Variants in DTNB observed in about 807,000 individuals in gnomAD.
The protein encoded by DTNB is dystrobrevin beta, also known as DTN-B.
Under a neutral mutation model 90.7 loss-of-function variants are expected in DTNB, and 63 were observed. That is an observed-to-expected ratio of 0.69 (90% CI 0.57 to 0.86). The LOEUF (loss-of-function observed/expected upper bound fraction) is 0.86, where lower values mean the gene tolerates loss of function less well. Among genes scored for constraint, DTNB ranks in the 40% least tolerant of loss-of-function variants. The pLI is 0.00. For synonymous variants in DTNB, 277 were observed against 286.7 expected (o/e 0.97, Z 0.34); for missense variants, 744 against 807.1 (o/e 0.92, Z 0.95).
intron 5 of DTNB, among the ~76,000 whole-genome samples, chr2:25,598,055 A>G (rs534855499): frequency 7.2e-5 from 11 of 152,352 alleles, no homozygotes; most frequent in Non-Finnish European, 1.5e-4. Flanking sequence ...CCAACTAACA[A>G]GTTGCAAGTT....
chr2:25,568,112 C>G (rs2059309426), intron 8 of DTNB, among the ~76,000 whole-genome samples: 1 of 150,848 alleles, frequency 6.6e-6, no homozygotes, highest in South Asian at 2.1e-4. Context: ...GAGCCAAGAT[C>G]ACGCCACTGC....
intron 9 of DTNB, among the ~76,000 whole-genome samples, chr2:25,498,316 C>T (rs1575121956): frequency 6.6e-6 from 1 of 152,122 alleles, no homozygotes; most frequent in South Asian, 2.1e-4. Context: ...ATCAGACAAA[C>T]CAACTAGTGT....
chr2:25,462,921 T>A (rs1380473926), intron 10 of DTNB, among the ~76,000 whole-genome samples: 1 of 152,168 alleles, frequency 6.6e-6, no homozygotes, highest in Admixed American at 6.5e-5. Flanking sequence ...GCCGGGATGG[T>A]CTCGATCTGC....
chr2:25,382,905 C>T (rs2038284052), intron 19 of DTNB, among the ~76,000 whole-genome samples: 1 of 152,104 alleles, frequency 6.6e-6, no homozygotes, highest in Non-Finnish European at 1.5e-5. Flanking sequence ...TGGGGATATT[C>T]GAATCTGTCT....
intron 8 of DTNB, among the ~76,000 whole-genome samples, chr2:25,562,502 T>TA (rs1246899843): frequency 1.3e-5 from 2 of 152,352 alleles, no homozygotes; most frequent in Admixed American, 6.5e-5. Flanking sequence ...AAGAAACTGT[T>TA]AAACTGTTTT....
At chr2:25,634,044 G>A (rs972542558) in intron 3 of DTNB, among the ~76,000 whole-genome samples, 3 of 152,036 alleles carry the variant, frequency 2.0e-5, no homozygotes, top group South Asian at 2.1e-4. Flanking sequence ...AGTTAGGAGC[G>A]TCTACGCCCG....
chr2:25,572,502 C>T (rs1314616681), intron 8 of DTNB, among the ~76,000 whole-genome samples: 1 of 151,598 alleles, frequency 6.6e-6, no homozygotes, highest in African/African-American at 2.4e-5. Flanking sequence ...ACCGTCCCTT[C>T]CTGCTCCCAA....
intron 16 of DTNB, among the ~76,000 whole-genome samples, chr2:25,403,027 G>C (rs763127216): frequency 3.1e-4 from 47 of 152,222 alleles, no homozygotes; most frequent in Non-Finnish European, 5.4e-4. Context: ...TAAACTTTTA[G>C]ATAGAGAAAC....
At chr2:25,623,849 T>C (rs2073439963) in intron 4 of DTNB, among the ~76,000 whole-genome samples, 1 of 152,124 alleles carries the variant, frequency 6.6e-6, no homozygotes, top group Admixed American at 6.5e-5. Flanking sequence ...TATTAGATTG[T>C]AAGTGTAAAC....
chr2:25,526,395 A>ATTTTTTTTTT (rs1245672956), intron 9 of DTNB, among the ~76,000 whole-genome samples: 8 of 49,824 alleles, frequency 1.6e-4, no homozygotes, highest in Non-Finnish European at 2.0e-4. Context: ...ATATATATAT[A>ATTTTTTTTTT]TTTTTTTTTT....
chr2:25,416,792 G>GGAAC (rs765403101), intron 16 of DTNB, among the ~76,000 whole-genome samples: 1 of 134,818 alleles, frequency 7.4e-6, no homozygotes, highest in African/African-American at 2.8e-5. Context: ...CTGGAAGGAA[G>GGAAC]GAAGGAAGGA....
Position 25,583,242 on chromosome 2 carries a change from G to A in DTNB, c.604-2416C>T, listed in dbSNP as rs1172563672. Among the ~76,000 whole-genome samples, 559 of 90,038 alleles carry A rather than the reference G, an allele frequency of 6.2e-3. 5 individuals are homozygous for A. Among genetic ancestry groups the A allele is most frequent in the African/African-American group, 0.029 (509 of 17,386 alleles). The allele number at this position is 90,038 out of a possible 152,430, so 59.1% of individuals were successfully genotyped here. On this transcript the variant is annotated intron_variant, in intron 6 of 20. Coordinates refer to ENST00000406818, the MANE Select transcript of DTNB (RefSeq NM_021907.5). ...AGCCTGAGTGATGCAGTGAGATTCC[G>A]TCTCAAAAAAAAAAAAAAAAATATA...
chr2:25,550,422 A>C (rs1190341743), intron 8 of DTNB, among the ~76,000 whole-genome samples: 1 of 148,878 alleles, frequency 6.7e-6, no homozygotes, highest in Non-Finnish European at 1.5e-5. Context: ...ACAAACAAAC[A>C]AAAAAAAACA....
intron 3 of DTNB, among the ~76,000 whole-genome samples, chr2:25,636,783 T>C (rs1319002385): frequency 6.6e-6 from 1 of 152,126 alleles, no homozygotes; most frequent in African/African-American, 2.4e-5. Flanking sequence ...TTTTTAATTC[T>C]GGCTACAGCC....
intron 1 of DTNB, among the ~76,000 whole-genome samples, chr2:25,665,273 A>G (rs2084149234): frequency 6.6e-6 from 1 of 152,168 alleles, no homozygotes; most frequent in Non-Finnish European, 1.5e-5. Context: ...TTTCTTATGT[A>G]AGTTCACCAC....
At chr2:25,646,160 C>T (rs2079392425) in intron 2 of DTNB, among the ~76,000 whole-genome samples, 1 of 152,062 alleles carries the variant, frequency 6.6e-6, no homozygotes, top group Admixed American at 6.5e-5. Context: ...GCATTAATAA[C>T]AACACAGACT....
At chr2:25,573,995 A>G (rs2060278764) in intron 8 of DTNB, among the ~76,000 whole-genome samples, 2 of 152,134 alleles carry the variant, frequency 1.3e-5, no homozygotes, top group South Asian at 2.1e-4. Context: ...TTCCACCAAG[A>G]TAGCAGAGAG....
chr2:25,650,978 T>A (rs1011294633), intron 2 of DTNB, among the ~76,000 whole-genome samples: 7 of 150,032 alleles, frequency 4.7e-5, no homozygotes, highest in South Asian at 2.1e-4. Context: ...AAAAAAATAA[T>A]AATAATAAGT....
intron 12 of DTNB, among the ~76,000 whole-genome samples, chr2:25,434,399 CTTTTTTT>C (rs1179596539): frequency 1.0e-5 from 1 of 95,506 alleles, no homozygotes; most frequent in African/African-American, 4.3e-5. Flanking sequence ...ATGAACTAGT[CTTTTTTT>C]TTTTTTTTTT....
Sources: allele counts gnomAD v4.1 joint callset (sites outside exome capture counted in the v4.1 genomes callset), GRCh38; gene constraint gnomAD v4.1.1; transcripts MANE v1.5; gene names NCBI Gene and HGNC (gene_info 2026-07-23, HGNC 2026-07-21).